Variants in SEMA6A observed in about 807,000 individuals in gnomAD.
SEMA6A encodes semaphorin-6A.
A neutral mutation model predicts 96.8 loss-of-function variants in SEMA6A; 25 were observed. The ratio of observed to expected loss-of-function variants is 0.26; its 90% CI spans 0.19 to 0.36. The LOEUF is 0.36. SEMA6A is among the 10% of genes least tolerant of loss of function. The pLI, the probability that SEMA6A is intolerant of heterozygous loss-of-function variation, is 1.00. For synonymous variants in SEMA6A, 612 were observed against 518.0 expected, an observed-to-expected ratio of 1.18 and a Z score of -2.46; for missense variants, 1,363 against 1,323.1, an observed-to-expected ratio of 1.03 and a Z score of -0.47.
At chr5:116,462,230 A>C (rs1004356603) in intron 18 of SEMA6A, among the ~76,000 whole-genome samples, 8 of 152,312 alleles carry the variant, frequency 5.3e-5, no homozygotes, top group Admixed American at 4.6e-4. Flanking sequence ...ATACTCACCT[A>C]AAATGAGATT....
Position 116,467,754 on chromosome 5 carries a change from T to A in SEMA6A, c.1730-7A>T, listed in dbSNP as rs1464043892. On this transcript the variant is annotated splice_region_variant and splice_polypyrimidine_tract_variant and intron_variant, in intron 17 of 18. Coordinates refer to ENST00000343348, the MANE Select transcript of SEMA6A (RefSeq NM_020796.5). ...AAGAGGGAACTGGAATGCCCTGTTT[T>A]CATCACAAATACAGTTAGGAAAACA... The A allele has an allele frequency of 1.2e-6, 2 of 1,613,440 alleles. No individual in the cohort carries two copies. The highest frequency in any genetic ancestry group is 4.5e-5 in the East Asian group (2 of 44,834).
At chr5:116,481,243 C>T (rs922343339) in intron 11 of SEMA6A, among the ~76,000 whole-genome samples, 1 of 152,086 alleles carries the variant, frequency 6.6e-6, no homozygotes, top group Non-Finnish European at 1.5e-5. Context: ...CTTTACATAC[C>T]AAGGAGAGGG....
chr5:116,473,204 A>G (rs2112669610), intron 16 of SEMA6A, 111 bp from the exon 17 acceptor site: 1 of 1,014,494 alleles, frequency 9.9e-7, no homozygotes, highest in East Asian at 2.6e-5. Flanking sequence ...ATGGTCCCCG[A>G]TACTAAGTAA....
intron 1 of SEMA6A, among the ~76,000 whole-genome samples, chr5:116,541,033 G>A (rs1759939909): frequency 6.6e-6 from 1 of 152,172 alleles, no homozygotes; most frequent in South Asian, 2.1e-4. Context: ...ATATTGTTCT[G>A]CCGCACTTGA....
intron 1 of SEMA6A, among the ~76,000 whole-genome samples, chr5:116,567,735 T>A (rs1761071284): frequency 6.6e-6 from 1 of 152,070 alleles, no homozygotes; most frequent in African/African-American, 2.4e-5. Context: ...CCTCCAACGG[T>A]CCCTTCACAT....
chr5:116,453,365 C>G (rs944826049), intron 18 of SEMA6A, among the ~76,000 whole-genome samples: 1 of 152,220 alleles, frequency 6.6e-6, no homozygotes, highest in African/African-American at 2.4e-5. Flanking sequence ...GTCCCCAGAG[C>G]TCTGCATTCC....
chr5:116,457,975 G>A (rs1755122729), intron 18 of SEMA6A, among the ~76,000 whole-genome samples: 1 of 152,142 alleles, frequency 6.6e-6, no homozygotes, highest in Non-Finnish European at 1.5e-5. Context: ...CCAGTCTCAG[G>A]TATAATGTCA....
At chr5:116,489,243 G>A (rs780365932) in intron 7 of SEMA6A, among the ~76,000 whole-genome samples, 40 of 151,838 alleles carry the variant, frequency 2.6e-4, no homozygotes, top group African/African-American at 5.8e-4. Context: ...TTTTTTAAGC[G>A]GCAGCAGCAG....
At position 116,482,426 on chromosome 5, in the gene SEMA6A, A is replaced by G. The variant is rs1756830830; in HGVS notation, c.1094+18T>C. 1 of 1,610,030 alleles carries G rather than the reference A, an allele frequency of 6.2e-7. No individual in the cohort carries two copies. On this transcript the variant is annotated intron_variant, in intron 11 of 18. Coordinates refer to ENST00000343348, the MANE Select transcript of SEMA6A (RefSeq NM_020796.5). ...CATTTCTAAAGTTTAAAATAGCCAT[A>G]TGAATATTTGCACATACCTGGGCTT...
chr5:116,466,389 A>G (rs558867553), intron 18 of SEMA6A, among the ~76,000 whole-genome samples: 5 of 152,070 alleles, frequency 3.3e-5, no homozygotes, highest in Admixed American at 3.3e-4. Flanking sequence ...AAAAAAAAAA[A>G]AAAAAAGATT....
chr5:116,530,018 A>G (rs1263672009), intron 1 of SEMA6A, among the ~76,000 whole-genome samples: 1 of 152,062 alleles, frequency 6.6e-6, no homozygotes, highest in Non-Finnish European at 1.5e-5. Flanking sequence ...AAATAAAAAT[A>G]ATGACAACAA....
Position 116,446,942 on chromosome 5 carries a change from T to A in SEMA6A, c.2764A>T (p.Thr922Ser), listed in dbSNP as rs1458839220. The change falls in exon 19 of 19, where the codon ACG (threonine) becomes TCG (serine). Residue 922 changes from threonine (T) to serine (S), a missense_variant. By Grantham distance (58) the Thr-to-Ser change is moderately conservative. Around this residue, in one of 2 missense-constraint regions of SEMA6A, gnomAD observed 883 missense variants for 763.6 expected, o/e 1.16. Coordinates refer to ENST00000343348, the MANE Select transcript of SEMA6A (RefSeq NM_020796.5). ...TGGTGGCTTCTCGTGAGCGAGTTCGTGGGGTAGCTCCTCTTATAGTCAACC... is the reference window on the plus strand; with the variant it reads ...TGGTGGCTTCTCGTGAGCGAGTTCGAGGGGTAGCTCCTCTTATAGTCAACC... ...YGVDYKRSYPTNSLTRSHQAT... is the reference protein window; with the variant it reads ...YGVDYKRSYPSNSLTRSHQAT... The A allele has an allele frequency of 6.2e-7, 1 of 1,613,806 alleles. No homozygotes were observed. The highest frequency in any genetic ancestry group is 1.7e-5 in the Admixed American group (1 of 60,004).
At position 116,483,255 on chromosome 5, in the gene SEMA6A, G is replaced by A. The variant is rs1223782245; in HGVS notation, c.963-680C>T. Reference sequence around the variant, plus strand: ...ATATCCTTGCCTGGCACCCCTGGAAGGACTTAGGCTTCTTTTTTTAATCAA... The same window carrying A: ...ATATCCTTGCCTGGCACCCCTGGAAAGACTTAGGCTTCTTTTTTTAATCAA... On this transcript the variant is annotated intron_variant, in intron 10 of 18. Coordinates refer to ENST00000343348, the MANE Select transcript of SEMA6A (RefSeq NM_020796.5). Among the ~76,000 whole-genome samples the A allele has an allele frequency of 2.0e-5, 3 of 152,164 alleles. No individual in the cohort carries two copies. The East Asian group carries it at 5.8e-4, about 29-fold the overall frequency.
chr5:116,470,496 A>G (rs558482352), intron 17 of SEMA6A, among the ~76,000 whole-genome samples: 18 of 152,214 alleles, frequency 1.2e-4, no homozygotes, highest in African/African-American at 3.6e-4. Context: ...TTGTTTCTCT[A>G]TATCTACAAG....
rs772243977 is a variant in SEMA6A at position 116,552,386 on chromosome 5, GGT to G, written c.-39+21797_-39+21798del. Among the ~76,000 whole-genome samples, 287 of 152,130 alleles carry G rather than the reference GGT, an allele frequency of 1.9e-3. 1 individual carries two copies. The highest frequency in any genetic ancestry group is 3.4e-3 in the Non-Finnish European group (232 of 68,002). On this transcript the variant is annotated intron_variant, in intron 1 of 18. Transcript: ENST00000343348. Reference sequence around the variant, plus strand: ...GAGAAGTTCTATTTTTCCAAGCCAGGGTAAAGGCAGGTGCCACAGAGGTCTAT... The same window carrying G: ...GAGAAGTTCTATTTTTCCAAGCCAGGAAAGGCAGGTGCCACAGAGGTCTAT...
At chr5:116,450,091 A>G (rs1157434800) in intron 18 of SEMA6A, among the ~76,000 whole-genome samples, 1 of 152,186 alleles carries the variant, frequency 6.6e-6, no homozygotes. Context: ...TTTTTCTTCA[A>G]TTTTGATTAT....
intron 1 of SEMA6A, among the ~76,000 whole-genome samples, chr5:116,516,848 T>G (rs1489844173): frequency 6.6e-6 from 1 of 152,212 alleles, no homozygotes; most frequent in Non-Finnish European, 1.5e-5. Context: ...CTTGATGACT[T>G]GACTCCTTAA....
At chr5:116,485,153 T>C (rs979407004) in intron 10 of SEMA6A, among the ~76,000 whole-genome samples, 2 of 152,200 alleles carry the variant, frequency 1.3e-5, no homozygotes, top group Admixed American at 6.5e-5. Context: ...TGAGACTGCA[T>C]AATCATGCAC....
intron 1 of SEMA6A, among the ~76,000 whole-genome samples, chr5:116,570,002 G>A (rs916483300): frequency 2.6e-5 from 4 of 152,162 alleles, no homozygotes; most frequent in African/African-American, 9.7e-5. Flanking sequence ...CTCTATTGGT[G>A]TAAATGGAAT....
Sources: allele counts gnomAD v4.1 joint callset (sites outside exome capture counted in the v4.1 genomes callset), GRCh38; gene constraint gnomAD v4.1.1; regional missense constraint gnomAD v4.1.1; transcripts MANE v1.5; gene names NCBI Gene and HGNC (gene_info 2026-07-23, HGNC 2026-07-21).